Variants in KAZN observed in about 807,000 individuals in gnomAD.
The protein encoded by KAZN is kazrin.
In KAZN, 40 loss-of-function variants were observed where a neutral mutation model predicts 87.4. That is an observed-to-expected ratio of 0.46 (90% CI 0.36 to 0.60). The LOEUF (loss-of-function observed/expected upper bound fraction) is 0.60, where lower values mean the gene tolerates loss of function less well. Ranked by LOEUF, KAZN falls within the 20% of genes least tolerant of loss-of-function variation. The pLI is 0.00. For missense variants in KAZN, 898 were observed against 1,073.9 expected (o/e 0.84, Z 2.29); for synonymous variants, 466 against 458.3 (o/e 1.02, Z -0.22).
At chr1:15,075,495 T>C (rs933853881) in intron 8 of KAZN, among the ~76,000 whole-genome samples, 1 of 152,198 alleles carries the variant, frequency 6.6e-6, no homozygotes, top group East Asian at 1.9e-4. Flanking sequence ...CTGGAAACTA[T>C]TGGGACAGAT....
chr1:14,772,320 T>TA (rs1645041397), intron 1 of KAZN, among the ~76,000 whole-genome samples: 1 of 152,038 alleles, frequency 6.6e-6, no homozygotes, highest in Admixed American at 6.5e-5. Flanking sequence ...CCTGTCTCTA[T>TA]AAAAAATTTA....
At chr1:14,607,825 A>G (rs1195266452) in intron 1 of KAZN, among the ~76,000 whole-genome samples, 1 of 152,224 alleles carries the variant, frequency 6.6e-6, no homozygotes, top group Non-Finnish European at 1.5e-5. Context: ...TTCCAGGATC[A>G]GAACTGGGGA....
intron 2 of KAZN, among the ~76,000 whole-genome samples, chr1:14,471,666 G>A (rs1388759198): frequency 3.3e-5 from 5 of 152,150 alleles, no homozygotes; most frequent in African/African-American, 1.2e-4. Context: ...GTGTTTTCAG[G>A]CTCATTTATA....
At chr1:14,939,804 C>T (rs992501719) in intron 1 of KAZN, among the ~76,000 whole-genome samples, 1 of 152,126 alleles carries the variant, frequency 6.6e-6, no homozygotes, top group Non-Finnish European at 1.5e-5. Context: ...ACAGGAGGTC[C>T]CTGCCAGGCT....
At chr1:15,033,748 T>C (rs1182626050) in intron 2 of KAZN, among the ~76,000 whole-genome samples, 2 of 152,206 alleles carry the variant, frequency 1.3e-5, no homozygotes, top group African/African-American at 4.8e-5. Flanking sequence ...TTTGTTTGTT[T>C]GTTTGTTTGT....
intron 2 of KAZN, among the ~76,000 whole-genome samples, chr1:14,435,508 G>C (rs1314505391): frequency 6.6e-6 from 1 of 152,200 alleles, no homozygotes; most frequent in East Asian, 1.9e-4. Context: ...TTTCCCAGCT[G>C]CCCGCAGGGA....
At chr1:14,961,415 C>T (rs987338966) in intron 2 of KAZN, among the ~76,000 whole-genome samples, 9 of 152,198 alleles carry the variant, frequency 5.9e-5, no homozygotes, top group Non-Finnish European at 1.3e-4. Context: ...GCTGGTGTGT[C>T]TTCAGCCAGA....
intron 1 of KAZN, among the ~76,000 whole-genome samples, chr1:14,853,228 A>C (rs189409531): frequency 6.6e-6 from 1 of 152,264 alleles, no homozygotes; most frequent in East Asian, 1.9e-4. Context: ...AGCGATCACA[A>C]CACAGTGTGA....
At chr1:14,341,433 C>T (rs140740476) in intron 2 of KAZN, among the ~76,000 whole-genome samples, 20 of 152,286 alleles carry the variant, frequency 1.3e-4, no homozygotes, top group Non-Finnish European at 2.1e-4. Flanking sequence ...TGGCTCCCAA[C>T]GCACGCAGTC....
At chr1:14,924,133 C>T (rs1047829736) in intron 1 of KAZN, 416 of 982,322 alleles carry the variant, frequency 4.2e-4, no homozygotes, top group Non-Finnish European at 4.9e-4. Flanking sequence ...GACTGAGAGC[C>T]GTTCCCACGT....
At chr1:14,822,237 T>A (rs553794111) in intron 1 of KAZN, among the ~76,000 whole-genome samples, 165 of 152,220 alleles carry the variant, frequency 1.1e-3, no homozygotes, top group African/African-American at 3.9e-3. Context: ...AGGCCGAGAA[T>A]TCCAGGAGGC....
chr1:14,164,665 G>A (rs1482058712), intron 1 of KAZN, among the ~76,000 whole-genome samples: 5 of 148,536 alleles, frequency 3.4e-5, no homozygotes, highest in African/African-American at 5.0e-5. Flanking sequence ...CTCAGCCTCC[G>A]AAGTAGCCAG....
At chr1:14,416,372 A>G (rs1664760483) in intron 2 of KAZN, among the ~76,000 whole-genome samples, 1 of 152,202 alleles carries the variant, frequency 6.6e-6, no homozygotes, top group Non-Finnish European at 1.5e-5. Flanking sequence ...AGAATCAAGT[A>G]ACAGTTGGGT....
intron 13 of KAZN, among the ~76,000 whole-genome samples, chr1:15,106,132 T>A (rs867780311): frequency 6.6e-6 from 1 of 152,022 alleles, no homozygotes; most frequent in African/African-American, 2.4e-5. Context: ...ATTAAAAAAA[T>A]TCCCTGGAGG....
Position 14,169,158 on chromosome 1 carries a change from A to G in KAZN, c.92-11277A>G, listed in dbSNP as rs183475953. ...AAGCTGGCTTAAGGAGAAGAAGGGA[A>G]TTTATCACAAGGGGTCAGGGCAGGA... On this transcript the variant is annotated intron_variant, in intron 1 of 16. Coordinates refer to the KAZN transcript ENST00000636203. 3.2e-4 allele frequency among the ~76,000 whole-genome samples: 49 copies of G among 152,212 alleles called. 1 individual carries two copies. Among genetic ancestry groups the G allele is most frequent in the Middle Eastern group, 6.8e-3 (2 of 294 alleles).
intron 2 of KAZN, among the ~76,000 whole-genome samples, chr1:14,330,148 C>T (rs1656742478): frequency 6.6e-6 from 1 of 152,132 alleles, no homozygotes; most frequent in African/African-American, 2.4e-5. Flanking sequence ...AAGATGGGCA[C>T]TGGGAGGCAA....
intron 2 of KAZN, among the ~76,000 whole-genome samples, chr1:14,255,138 AAAG>A (rs1199857011): frequency 2.2e-3 from 272 of 125,280 alleles, no homozygotes; most frequent in African/African-American, 5.6e-3. Flanking sequence ...AAAAAAAAAA[AAAG>A]AAGAAGAAGA....
chr1:13,913,007 G>A (rs1188458900), intron 1 of KAZN, among the ~76,000 whole-genome samples: 1 of 152,188 alleles, frequency 6.6e-6, no homozygotes, highest in Non-Finnish European at 1.5e-5. Flanking sequence ...TGGCCCCTAA[G>A]AAGATTGGCT....
chr1:15,069,303 C>G (rs943874831), intron 8 of KAZN, among the ~76,000 whole-genome samples: 1 of 152,146 alleles, frequency 6.6e-6, no homozygotes, highest in Non-Finnish European at 1.5e-5. Context: ...AGTTGGCATA[C>G]AAGGATAAAG....
Sources: allele counts gnomAD v4.1 joint callset (sites outside exome capture counted in the v4.1 genomes callset), GRCh38; gene constraint gnomAD v4.1.1; transcripts MANE v1.5; gene names NCBI Gene and HGNC (gene_info 2026-07-23, HGNC 2026-07-21).